CSMD1: variants seen among roughly 807,000 people sequenced by gnomAD.
CSMD1 encodes the protein CUB and Sushi multiple domains 1.
Under a neutral mutation model 417.5 loss-of-function variants are expected in CSMD1, and 213 were observed. The observed-to-expected ratio is 0.51, with a 90% CI of 0.46 to 0.57. CSMD1 has a LOEUF of 0.57. CSMD1 is among the 20% of genes least tolerant of loss of function. CSMD1 has a pLI of 0.00. For synonymous variants in CSMD1, 2,862 were observed against 1,736.8 expected (o/e 1.65, Z -16.11); for missense variants, 6,923 against 4,529.7 (o/e 1.53, Z -15.17).
intron 1 of CSMD1, among the ~76,000 whole-genome samples, chr8:4,664,996 GTTC>G (rs758922323): frequency 1.2e-4 from 18 of 152,120 alleles, no homozygotes; most frequent in Non-Finnish European, 2.1e-4. Context: ...ATCTCATCGT[GTTC>G]TTCATTTTAT....
chr8:3,657,413 G>A (rs1798184236), intron 7 of CSMD1, among the ~76,000 whole-genome samples: 1 of 151,994 alleles, frequency 6.6e-6, no homozygotes, highest in Non-Finnish European at 1.5e-5. Flanking sequence ...CAGGCAGCAG[G>A]TGCAAACTAA....
intron 7 of CSMD1, among the ~76,000 whole-genome samples, chr8:3,703,830 G>A (rs113637341): frequency 6.6e-5 from 10 of 152,234 alleles, no homozygotes; most frequent in Middle Eastern, 3.4e-3. Flanking sequence ...CAGCACTTAA[G>A]GAGGCCAAGG....
chr8:3,973,991 A>C (rs964486380), intron 5 of CSMD1, among the ~76,000 whole-genome samples: 1 of 152,224 alleles, frequency 6.6e-6, no homozygotes, highest in Non-Finnish European at 1.5e-5. Flanking sequence ...ATTGAGTTGC[A>C]AACAATGCAA....
chr8:4,312,403 A>G (rs1585209955), intron 3 of CSMD1, among the ~76,000 whole-genome samples: 1 of 137,426 alleles, frequency 7.3e-6, no homozygotes, highest in African/African-American at 3.2e-5. Context: ...ACATACATAT[A>G]TATGCGTGTA....
At chr8:4,337,952 C>T (rs2128893917) in intron 3 of CSMD1, among the ~76,000 whole-genome samples, 1 of 152,262 alleles carries the variant, frequency 6.6e-6, no homozygotes, top group African/African-American at 2.4e-5. Context: ...CATTTCTCAA[C>T]CTTTTTAAAT....
intron 17 of CSMD1, among the ~76,000 whole-genome samples, chr8:3,394,020 ATATATATAT>A: frequency 1.9e-5 from 1 of 52,084 alleles, no homozygotes; most frequent in East Asian, 5.2e-4. Context: ...AATTATATAT[ATATATATAT>A]ATATATATAT....
chr8:4,628,633 A>C (rs1032784881), intron 2 of CSMD1, among the ~76,000 whole-genome samples: 2 of 151,596 alleles, frequency 1.3e-5, no homozygotes, highest in African/African-American at 4.8e-5. Context: ...CTCTCCTCAC[A>C]CATGCCCTGC....
At chr8:3,879,382 A>G (rs1331423996) in intron 5 of CSMD1, among the ~76,000 whole-genome samples, 2 of 152,194 alleles carry the variant, frequency 1.3e-5, no homozygotes, top group Non-Finnish European at 2.9e-5. Context: ...GACATAAAGT[A>G]TTCATACACT....
intron 1 of CSMD1, among the ~76,000 whole-genome samples, chr8:4,950,847 T>A (rs1808696961): frequency 2.0e-5 from 3 of 152,110 alleles, no homozygotes; most frequent in Admixed American, 2.0e-4. Context: ...TCAACCACTC[T>A]TGGTGTACCC....
In CSMD1 at chr8:4,744,888, C is replaced by T. The variant is rs115906366; in HGVS notation, c.86-107330G>A. 4.5e-3 allele frequency among the ~76,000 whole-genome samples: 684 copies of T among 152,212 alleles called. 4 individuals carry two copies. The highest frequency in any genetic ancestry group is 0.016 in the African/African-American group (658 of 41,528). On this transcript the variant is annotated intron_variant, in intron 1 of 69. Coordinates refer to ENST00000635120, the MANE Select transcript of CSMD1 (RefSeq NM_033225.6). ...ATTAAAGTTGAACTGAATTTTTTCACCATAATTCTAATGGCTCAGTATGTA... is the reference window on the plus strand; with the variant it reads ...ATTAAAGTTGAACTGAATTTTTTCATCATAATTCTAATGGCTCAGTATGTA...
chr8:4,732,411 G>T (rs1323105360), intron 1 of CSMD1, among the ~76,000 whole-genome samples: 1 of 149,114 alleles, frequency 6.7e-6, no homozygotes, highest in Non-Finnish European at 1.5e-5. Flanking sequence ...TTCTCACTCT[G>T]GACATGCAGA....
intron 1 of CSMD1, among the ~76,000 whole-genome samples, chr8:4,719,072 G>C (rs946550533): frequency 2.6e-5 from 4 of 152,072 alleles, no homozygotes; most frequent in South Asian, 2.1e-4. Context: ...GAGAGAGCTA[G>C]AATTTTGTTT....
In CSMD1 at chr8:3,396,414, T is replaced by C. The variant is rs773302211; in HGVS notation, c.2406-33A>G. Reference sequence around the variant, plus strand: ...TATATACATCCCATCAGAAAAGACATGCAGAACTGCCAGCTTACAGACGTG... The same window carrying C: ...TATATACATCCCATCAGAAAAGACACGCAGAACTGCCAGCTTACAGACGTG... On this transcript the variant is annotated intron_variant, in intron 16 of 69. Transcript: ENST00000635120. 10 of 1,469,874 alleles carry C rather than the reference T, an allele frequency of 6.8e-6. No homozygotes were observed. The East Asian group carries it at 1.7e-4, about 25-fold the overall frequency. 91.1% of individuals were successfully genotyped at this position (1,469,874 alleles called of 1,614,324 possible).
intron 1 of CSMD1, among the ~76,000 whole-genome samples, chr8:4,981,642 G>T (rs1211217487): frequency 6.6e-6 from 1 of 152,152 alleles, no homozygotes; most frequent in Non-Finnish European, 1.5e-5. Context: ...ACTGTGAGAT[G>T]ATCTTTTTAT....
chr8:2,962,706 GGTAACTA>G (rs1388265083), intron 60 of CSMD1, 67 bp from the exon 61 acceptor site: 7 of 1,484,184 alleles, frequency 4.7e-6, no homozygotes, highest in Non-Finnish European at 6.4e-6. Flanking sequence ...AATTGAGCTT[GGTAACTA>G]GTTTCTGTTA....
chr8:4,226,136 G>A (rs1801342563), intron 3 of CSMD1, among the ~76,000 whole-genome samples: 1 of 151,624 alleles, frequency 6.6e-6, no homozygotes, highest in Non-Finnish European at 1.5e-5. Flanking sequence ...TTGCTAGCAT[G>A]AGAGTTTCAT....
rs565014219 is a variant in CSMD1, at chr8:2,977,944, T to C, written c.8566+668A>G. ...GAAACAACAGATGCTGGCGAGGCTG[T>C]GGAGAAATAGGAATGATTTTACACT... On this transcript the variant is annotated intron_variant, in intron 55 of 69. Coordinates refer to ENST00000635120, the MANE Select transcript of CSMD1 (RefSeq NM_033225.6). Among the ~76,000 whole-genome samples, 8 of 152,286 alleles carry C rather than the reference T, an allele frequency of 5.3e-5. No homozygotes were observed. The East Asian group carries it at 1.5e-3, about 29-fold the overall frequency.
At position 4,668,587 on chromosome 8, in the gene CSMD1, A is replaced by G. The variant is rs376769413; in HGVS notation, c.86-31029T>C. On this transcript the variant is annotated intron_variant, in intron 1 of 69. Transcript: ENST00000635120. ...GCCTCAGCCTCCAGAGAAGCTGGGA[A>G]TACAGGCGTCCGCCACCACGCCTGG... is the stretch of plus-strand genomic sequence containing the variant. Among the ~76,000 whole-genome samples, 48 of 151,760 alleles carry G rather than the reference A, an allele frequency of 3.2e-4. 1 individual carries two copies. In the East Asian group the frequency reaches 8.8e-3, roughly 28 times the overall value.
intron 3 of CSMD1, among the ~76,000 whole-genome samples, chr8:4,419,369 C>A (rs1797123361): frequency 6.6e-6 from 1 of 152,136 alleles, no homozygotes. Context: ...AAAGTTCTAT[C>A]TCTGCATTTA....
Sources: gnomAD v4.1 joint callset for allele counts (sites outside exome capture counted in the v4.1 genomes callset) on GRCh38, gnomAD v4.1.1 for gene constraint, MANE v1.5 for transcripts, NCBI Gene and HGNC (gene_info 2026-07-23, HGNC 2026-07-21) for gene names.